ADAMTSL1: variants seen among roughly 807,000 people sequenced by gnomAD.
The protein encoded by ADAMTSL1 is ADAMTS-like protein 1.
A neutral mutation model predicts 201.8 loss-of-function variants in ADAMTSL1; 126 were observed. The ratio of observed to expected loss-of-function variants is 0.62; its 90% confidence interval spans 0.54 to 0.72. The LOEUF (loss-of-function observed/expected upper bound fraction) is 0.72. ADAMTSL1 is among the 30% of genes least tolerant of loss of function. The pLI is 0.00. For synonymous variants in ADAMTSL1, 1,121 were observed against 903.4 expected (o/e 1.24, Z -4.32); for missense variants, 2,679 against 2,277.8 (o/e 1.18, Z -3.59).
At chr9:18,341,091 T>C (rs963936695) in intron 2 of ADAMTSL1, among the ~76,000 whole-genome samples, 4 of 152,116 alleles carry the variant, frequency 2.6e-5, no homozygotes, top group African/African-American at 9.7e-5. Flanking sequence ...CTGGCTGATC[T>C]GTCAGGAACA....
At chr9:18,406,150 A>G (rs1167206408) in intron 2 of ADAMTSL1, among the ~76,000 whole-genome samples, 1 of 152,224 alleles carries the variant, frequency 6.6e-6, no homozygotes, top group African/African-American at 2.4e-5. Context: ...ATTTAGGTCT[A>G]CAGAGCAATC....
In ADAMTSL1 at chr9:18,294,894, A is replaced by G. The variant is rs1260003439; in HGVS notation, c.207+130913A>G. Among the ~76,000 whole-genome samples, 6 of 152,256 alleles carry G rather than the reference A, an allele frequency of 3.9e-5. No homozygotes were observed. In the East Asian group the frequency reaches 1.2e-3, roughly 29 times the overall value. Reference sequence around the variant, plus strand: ...CTGCCATGCTTTCTCTCATTTGGTTATATTAGATAGACTTCTATGTCCTTC... The same window carrying G: ...CTGCCATGCTTTCTCTCATTTGGTTGTATTAGATAGACTTCTATGTCCTTC... On this transcript the variant is annotated intron_variant, in intron 2 of 29. Transcript: ENST00000680146.
intron 1 of ADAMTSL1, among the ~76,000 whole-genome samples, chr9:17,981,032 C>G (rs749459537): frequency 2.0e-5 from 3 of 152,098 alleles, no homozygotes; most frequent in Non-Finnish European, 4.4e-5. Flanking sequence ...AGGATGGGAC[C>G]AAGCCATTCA....
rs772251994 is a variant in ADAMTSL1 at position 18,706,955 on chromosome 9, A to T, written c.1783A>T (p.Thr595Ser). 3 of 1,613,946 alleles carry T rather than the reference A, an allele frequency of 1.9e-6. No homozygotes were observed. The highest frequency in any genetic ancestry group is 1.1e-5 in the South Asian group (1 of 91,072). Reference sequence around the variant, plus strand: ...AATTCCTGAGTTCAACCCAGACGAGACAGATGGGCTCTTTGGTGGCCTGCA... The same window carrying T: ...AATTCCTGAGTTCAACCCAGACGAGTCAGATGGGCTCTTTGGTGGCCTGCA... ...GEIPEFNPDE[T>S]DGLFGGLQDF... The change falls in exon 14 of 29, where the codon ACA becomes TCA. Residue 595 changes from threonine to serine, a missense_variant. Physicochemically the swap from Thr to Ser is moderately conservative, Grantham distance 58. Coordinates refer to ENST00000380548, the MANE Select transcript of ADAMTSL1 (RefSeq NM_001040272.6).
At chr9:18,444,302 C>A (rs893289592) in intron 2 of ADAMTSL1, among the ~76,000 whole-genome samples, 3 of 152,096 alleles carry the variant, frequency 2.0e-5, no homozygotes, top group African/African-American at 7.2e-5. Context: ...TCACATTGAT[C>A]TTTTGAGCTA....
rs145230742 is a variant in ADAMTSL1, at chr9:18,204,480, C to G, written c.207+40499C>G. On this transcript the variant is annotated intron_variant, in intron 2 of 29. Coordinates refer to the ADAMTSL1 transcript ENST00000680146. ...AAAGCTCTTTCCCTTATAAATTACC[C>G]AGTCTTGGGCAGTTCTTCATAGTAG... Among the ~76,000 whole-genome samples, 93 of 152,232 alleles carry G rather than the reference C, an allele frequency of 6.1e-4. 1 individual carries two copies. In the East Asian group the frequency reaches 0.016, roughly 26 times the overall value.
At chr9:18,360,233 G>T (rs1836458111) in intron 2 of ADAMTSL1, among the ~76,000 whole-genome samples, 1 of 152,096 alleles carries the variant, frequency 6.6e-6, no homozygotes, top group Admixed American at 6.5e-5. Context: ...ACTCCAGATT[G>T]AGTTGAATTG....
chr9:18,716,923 T>G (rs1832980257), intron 14 of ADAMTSL1, among the ~76,000 whole-genome samples: 2 of 139,256 alleles, frequency 1.4e-5, no homozygotes, highest in Admixed American at 1.5e-4. Flanking sequence ...AAATGATGAG[T>G]TCATGTCCTT....
intron 2 of ADAMTSL1, 35 bp from the exon 3 acceptor site, chr9:18,533,212 A>C: frequency 6.4e-7 from 1 of 1,573,050 alleles, no homozygotes; most frequent in Non-Finnish European, 8.7e-7. Context: ...GCTTTTCATA[A>C]GTAGTAATAT....
rs370940110 is a variant in ADAMTSL1, at chr9:18,681,697, T to TGTGTGTGGGG, written c.1342-114_1342-113insTGTGTGGGGG. Reference sequence around the variant, plus strand: ...TATAAATTTACCAGGAGTCCTCGTGTGGGGGGGGGGGGCGGGGAAAAAGAA... The same window carrying TGTGTGTGGGG: ...TATAAATTTACCAGGAGTCCTCGTGTGTGTGTGGGGGGGGGGGGGGGGCGGGGAAAAAGAA... On this transcript the variant is annotated intron_variant, in intron 11 of 28. Coordinates refer to ENST00000380548, the MANE Select transcript of ADAMTSL1 (RefSeq NM_001040272.6). 48 of 240,342 alleles carry TGTGTGTGGGG rather than the reference T, an allele frequency of 2.0e-4. No homozygotes were observed. In the African/African-American group the frequency reaches 2.7e-3, roughly 14 times the overall value. 14.9% of individuals were successfully genotyped at this position (240,342 alleles called of 1,614,324 possible).
chr9:18,162,506 T>C (rs7858363), intron 1 of ADAMTSL1, among the ~76,000 whole-genome samples: 42,435 of 151,866 alleles, frequency 0.28, 6,861 homozygotes, highest in African/African-American at 0.45. Context: ...ATATTGACTA[T>C]TCTGTATAAC....
intron 1 of ADAMTSL1, among the ~76,000 whole-genome samples, chr9:17,964,679 G>C (rs992981426): frequency 3.6e-4 from 55 of 152,288 alleles, no homozygotes; most frequent in Admixed American, 3.0e-3. Flanking sequence ...TTGTACTGTA[G>C]TGGTAGAAGA....
At chr9:18,305,792 T>G (rs2132756357) in intron 2 of ADAMTSL1, among the ~76,000 whole-genome samples, 1 of 152,270 alleles carries the variant, frequency 6.6e-6, no homozygotes, top group South Asian at 2.1e-4. Context: ...TCAGCAGACT[T>G]GAACGTTCCT....
intron 23 of ADAMTSL1, among the ~76,000 whole-genome samples, chr9:18,864,546 A>T (rs1419347243): frequency 3.3e-5 from 5 of 152,206 alleles, no homozygotes; most frequent in Admixed American, 1.3e-4. Context: ...TTCTTTAGAG[A>T]CAGGTGCCAC....
intron 2 of ADAMTSL1, among the ~76,000 whole-genome samples, chr9:18,394,380 C>G (rs993206171): frequency 6.6e-5 from 10 of 152,242 alleles, no homozygotes; most frequent in African/African-American, 2.4e-4. Context: ...CCAGGAGATC[C>G]ATTTTTGTTT....
chr9:18,452,623 T>G (rs779601472), intron 2 of ADAMTSL1, among the ~76,000 whole-genome samples: 14 of 152,172 alleles, frequency 9.2e-5, no homozygotes, highest in Non-Finnish European at 1.9e-4. Context: ...AACTCCAAAA[T>G]ACAATGGTGG....
chr9:18,580,109 G>A (rs1463642029), intron 4 of ADAMTSL1, among the ~76,000 whole-genome samples: 1 of 152,046 alleles, frequency 6.6e-6, no homozygotes, highest in African/African-American at 2.4e-5. Context: ...TTATAATATT[G>A]CTTATTGCTA....
At chr9:18,209,161 T>C (rs901030380) in intron 2 of ADAMTSL1, among the ~76,000 whole-genome samples, 2 of 152,188 alleles carry the variant, frequency 1.3e-5, no homozygotes, top group African/African-American at 4.8e-5. Flanking sequence ...ATACAAGTGT[T>C]TTTTTGTCTT....
At chr9:17,948,646 C>T (rs944000344) in intron 1 of ADAMTSL1, among the ~76,000 whole-genome samples, 2 of 152,062 alleles carry the variant, frequency 1.3e-5, no homozygotes, top group African/African-American at 2.4e-5. Flanking sequence ...TGTTACAGCC[C>T]GAGTGTCTCC....
Sources: gnomAD v4.1 joint callset for allele counts (sites outside exome capture counted in the v4.1 genomes callset) on GRCh38, gnomAD v4.1.1 for gene constraint, MANE v1.5 for transcripts, NCBI Gene and HGNC (gene_info 2026-07-23, HGNC 2026-07-21) for gene names.